The following STN1 variants were observed in gnomAD, a reference collection of about 807,000 sequenced individuals.
STN1 encodes the protein STN1 subunit of CST complex, also known as CST complex subunit STN1.
In STN1, 29 loss-of-function variants were observed where a neutral mutation model predicts 45.5. That is an observed-to-expected ratio of 0.64 (90% CI 0.47 to 0.87). STN1 has a LOEUF of 0.87. STN1 is among the 40% of genes least tolerant of loss of function. STN1 has a pLI of 0.00. For synonymous variants in STN1, 148 were observed against 159.0 expected, an observed-to-expected ratio of 0.93 and a Z score of 0.52; for missense variants, 376 against 441.4, an observed-to-expected ratio of 0.85 and a Z score of 1.33.
intron 9 of STN1, among the ~76,000 whole-genome samples, chr10:103,883,887 C>T (rs1479572143): frequency 2.6e-5 from 4 of 151,986 alleles, no homozygotes; most frequent in African/African-American, 9.6e-5. Flanking sequence ...GTTGGGAGTT[C>T]GAGACCAGCC....
chr10:103,904,753 G>A (rs1843229969), intron 4 of STN1, among the ~76,000 whole-genome samples: 1 of 152,156 alleles, frequency 6.6e-6, no homozygotes, highest in Admixed American at 6.5e-5. Context: ...GGGACAAGGG[G>A]ATTCAGACCT....
intron 4 of STN1, 146 bp downstream of exon 4, chr10:103,904,945 G>A (rs1342549741): frequency 4.1e-6 from 3 of 736,454 alleles, no homozygotes; most frequent in Admixed American, 2.2e-5. Flanking sequence ...AGCAGCCAAA[G>A]CTCTGGGTAT....
chr10:103,886,598 C>T (rs1843104907), intron 9 of STN1, among the ~76,000 whole-genome samples: 1 of 152,120 alleles, frequency 6.6e-6, no homozygotes, highest in Non-Finnish European at 1.5e-5. Context: ...TGCCTCCTTC[C>T]AGATCAATAT....
intron 4 of STN1, among the ~76,000 whole-genome samples, chr10:103,904,321 T>C (rs1366909223): frequency 2.0e-5 from 3 of 151,892 alleles, no homozygotes; most frequent in African/African-American, 4.8e-5. Context: ...AATTAAAAAA[T>C]ATCTAAAAAT....
At chr10:103,904,958 T>C in intron 4 of STN1, 133 bp downstream of exon 4, 1 of 782,108 alleles carries the variant, frequency 1.3e-6, no homozygotes, top group Non-Finnish European at 2.2e-6. Flanking sequence ...CTGGGTATAG[T>C]GCTTCAGGTA....
At chr10:103,891,390 A>C (rs973378979) in intron 8 of STN1, among the ~76,000 whole-genome samples, 1 of 152,224 alleles carries the variant, frequency 6.6e-6, no homozygotes, top group African/African-American at 2.4e-5. Context: ...ACAGAGCATT[A>C]TTTAGAGTAG....
Position 103,879,572 on chromosome 10 carries a change from T to TGCA in STN1, c.*3109_*3111dup, listed in dbSNP as rs3068865. The TGCA allele has an allele frequency of 0.54, 82,078 of 152,046 alleles. 22,572 individuals carry two copies. The highest frequency in any genetic ancestry group is 0.67 in the East Asian group (3,412 of 5,120). 9.4% of individuals were successfully genotyped at this position (152,046 alleles called of 1,614,324 possible). A position where few individuals can be genotyped will look rare whatever the true frequency, so the allele number is the denominator to read the frequency against. Reference sequence around the variant, plus strand: ...AGGCAGGAATATGCCGAGGCATGTGTGCAAGGCCCGTGCGGCTGGGCTGGG... The same window carrying TGCA: ...AGGCAGGAATATGCCGAGGCATGTGTGCAGCAAGGCCCGTGCGGCTGGGCTGGG... On this transcript the variant is annotated 3_prime_UTR_variant, in exon 10 of 10. Transcript: ENST00000224950.
intron 4 of STN1, 96 bp from the exon 5 acceptor site, chr10:103,900,319 A>G: frequency 8.8e-7 from 1 of 1,139,004 alleles, no homozygotes; most frequent in Non-Finnish European, 1.2e-6. Context: ...CCAACACAAT[A>G]TGCTTATTTA....
chr10:103,906,187 G>A (rs930530663), intron 3 of STN1, among the ~76,000 whole-genome samples: 21 of 152,186 alleles, frequency 1.4e-4, no homozygotes, highest in African/African-American at 5.1e-4. Flanking sequence ...AACTTAAGAT[G>A]AGAAGAAGAT....
intron 9 of STN1, among the ~76,000 whole-genome samples, chr10:103,884,507 C>T (rs1369462532): frequency 6.6e-6 from 1 of 152,174 alleles, no homozygotes; most frequent in East Asian, 1.9e-4. Context: ...CAAAGTCAAA[C>T]TTCTTTACCA....
chr10:103,895,510 G>C (rs972614461), intron 7 of STN1, among the ~76,000 whole-genome samples: 1 of 152,208 alleles, frequency 6.6e-6, no homozygotes, highest in Non-Finnish European at 1.5e-5. Flanking sequence ...CAATCTTGCT[G>C]TCAGCCGACA....
chr10:103,910,249 G>A (rs532378744), intron 3 of STN1, among the ~76,000 whole-genome samples: 6 of 152,244 alleles, frequency 3.9e-5, no homozygotes, highest in South Asian at 4.1e-4. Flanking sequence ...CCCCCTGCCC[G>A]TCCATCGATG....
chr10:103,912,212 A>T (rs1758317478), intron 2 of STN1, among the ~76,000 whole-genome samples: 1 of 151,936 alleles, frequency 6.6e-6, no homozygotes, highest in South Asian at 2.1e-4. Context: ...TCTCAAGCAG[A>T]AGCCCAACTA....
intron 2 of STN1, among the ~76,000 whole-genome samples, chr10:103,914,396 A>C (rs1182670952): frequency 1.6e-5 from 1 of 64,270 alleles, no homozygotes; most frequent in Non-Finnish European, 2.7e-5. Flanking sequence ...TTTTTTTGAG[A>C]CAGGGTCTTG....
intron 4 of STN1, among the ~76,000 whole-genome samples, chr10:103,904,168 T>C (rs1843226392): frequency 6.6e-6 from 1 of 152,034 alleles, no homozygotes; most frequent in South Asian, 2.1e-4. Context: ...GCAGGCAGTG[T>C]TTACTGAATA....
chr10:103,881,861 T>C lies in STN1; in HGVS notation c.*823A>G, dbSNP rs1057160774. On this transcript the variant is annotated 3_prime_UTR_variant, in exon 10 of 10. Coordinates refer to ENST00000224950, the MANE Select transcript of STN1 (RefSeq NM_024928.5). ...CACCTGTCTGGGCACATACCGAGTCTTTGTCTGGATGGTGTCAGCACATCC... is the reference window on the plus strand; with the variant it reads ...CACCTGTCTGGGCACATACCGAGTCCTTGTCTGGATGGTGTCAGCACATCC... 5.3e-5 allele frequency among the ~76,000 whole-genome samples: 8 copies of C among 152,212 alleles called. No homozygotes were observed. Among genetic ancestry groups the C allele is most frequent in the Non-Finnish European group, 8.8e-5 (6 of 68,036 alleles).
At chr10:103,910,444 G>T in intron 3 of STN1, 83 bp downstream of exon 3, 1 of 872,888 alleles carries the variant, frequency 1.1e-6, no homozygotes, top group South Asian at 1.4e-5. Context: ...TACTCTAAAT[G>T]GCTGGGGCTG....
At chr10:103,906,429 G>C (rs1843241317) in intron 3 of STN1, among the ~76,000 whole-genome samples, 1 of 152,198 alleles carries the variant, frequency 6.6e-6, no homozygotes, top group African/African-American at 2.4e-5. Context: ...AGCCAAGGCA[G>C]GAGGATCACT....
rs557379144 is a variant in STN1, at chr10:103,878,074, C to T, written c.*4610G>A. 2 of 152,326 alleles carry T rather than the reference C, an allele frequency of 1.3e-5. No homozygotes were observed. Among genetic ancestry groups the T allele is most frequent in the East Asian group, 3.9e-4 (2 of 5,182 alleles). The allele number at this position is 152,326 out of a possible 1,614,324, so 9.4% of individuals were successfully genotyped here. ...CTTGGCCAGCATCCTGGCACACCAT[C>T]AGAGGAGAAAATAATGAGAAAGAAG... On this transcript the variant is annotated 3_prime_UTR_variant, in exon 10 of 10. Transcript: ENST00000224950.
Sources: gnomAD v4.1 joint callset for allele counts (sites outside exome capture counted in the v4.1 genomes callset) on GRCh38, gnomAD v4.1.1 for gene constraint, MANE v1.5 for transcripts, NCBI Gene and HGNC (gene_info 2026-07-23, HGNC 2026-07-21) for gene names.